FCHO2: variants seen among roughly 807,000 people sequenced by gnomAD.
The protein encoded by FCHO2 is FCH and mu domain containing endocytic adaptor 2, also known as F-BAR domain only protein 2.
FCHO2 carries 43 observed loss-of-function variants against 114.1 expected under a neutral mutation model. The ratio of observed to expected loss-of-function variants is 0.38; its 90% CI spans 0.30 to 0.49. The LOEUF is 0.49. Among genes scored for constraint, FCHO2 ranks in the 20% least tolerant of loss-of-function variants. FCHO2 has a pLI of 0.97. For synonymous variants in FCHO2, 293 were observed against 315.2 expected, an observed-to-expected ratio of 0.93 and a Z score of 0.75; for missense variants, 807 against 950.4, an observed-to-expected ratio of 0.85 and a Z score of 1.98.
chr5:72,966,404 C>T (rs2112596705), intron 1 of FCHO2, among the ~76,000 whole-genome samples: 1 of 152,236 alleles, frequency 6.6e-6, no homozygotes, highest in South Asian at 2.1e-4. Context: ...CCTTGCTCAG[C>T]CTCTGGAGTA....
At chr5:72,985,191 C>T (rs930603850) in intron 2 of FCHO2, among the ~76,000 whole-genome samples, 1 of 151,446 alleles carries the variant, frequency 6.6e-6, no homozygotes, top group Admixed American at 6.6e-5. Context: ...GACTGAGTCT[C>T]ACTCTGTCAC....
At chr5:73,022,679 A>G (rs185917502) in intron 8 of FCHO2, among the ~76,000 whole-genome samples, 1 of 152,330 alleles carries the variant, frequency 6.6e-6, no homozygotes, top group Non-Finnish European at 1.5e-5. Flanking sequence ...GCTTAGTTCA[A>G]TAGAGACTTT....
chr5:73,040,011 C>A (rs902197564), intron 10 of FCHO2, among the ~76,000 whole-genome samples: 1 of 150,606 alleles, frequency 6.6e-6, no homozygotes, highest in Admixed American at 6.6e-5. Flanking sequence ...TTTGGTACTT[C>A]GTTTTGGATT....
At chr5:73,020,512 T>C (rs1426871735) in intron 8 of FCHO2, among the ~76,000 whole-genome samples, 5 of 152,326 alleles carry the variant, frequency 3.3e-5, no homozygotes, top group Admixed American at 3.3e-4. Context: ...TACCATTCTG[T>C]AATGCCCTGT....
intron 11 of FCHO2, among the ~76,000 whole-genome samples, chr5:73,042,342 C>A (rs1395576382): frequency 1.3e-5 from 2 of 152,048 alleles, no homozygotes; most frequent in African/African-American, 4.8e-5. Flanking sequence ...CTTTAGTACT[C>A]ATTTTATTTC....
chr5:73,058,071 T>G (rs1233420349), intron 16 of FCHO2, among the ~76,000 whole-genome samples: 2 of 152,100 alleles, frequency 1.3e-5, no homozygotes, highest in Non-Finnish European at 2.9e-5. Context: ...AGTACAGTGG[T>G]GCAATCATAG....
intron 8 of FCHO2, 123 bp downstream of exon 8, chr5:73,017,431 A>G: frequency 1.9e-6 from 1 of 515,438 alleles, no homozygotes; most frequent in Non-Finnish European, 3.2e-6. Flanking sequence ...CTGAAGTTAA[A>G]AATATTTCCA....
At chr5:73,011,021 C>T (rs188972721) in intron 6 of FCHO2, among the ~76,000 whole-genome samples, 6 of 151,464 alleles carry the variant, frequency 4.0e-5, no homozygotes, top group African/African-American at 1.2e-4. Flanking sequence ...GTACTGAATA[C>T]TGTAGGCAGT....
At chr5:73,020,701 T>A in intron 8 of FCHO2, 7 of 1,214,306 alleles carry the variant, frequency 5.8e-6, no homozygotes, top group Non-Finnish European at 8.6e-6. Flanking sequence ...TGTCCTTTAG[T>A]GAAGAAATTG....
At chr5:73,017,126 T>A in intron 7 of FCHO2, 86 bp from the exon 8 acceptor site, 1 of 763,026 alleles carries the variant, frequency 1.3e-6, no homozygotes. Flanking sequence ...TTGATATAAT[T>A]AATTTTAATT....
intron 18 of FCHO2, among the ~76,000 whole-genome samples, chr5:73,064,688 A>G (rs947516390): frequency 6.6e-6 from 1 of 152,018 alleles, no homozygotes; most frequent in Non-Finnish European, 1.5e-5. Context: ...TACCAGACTA[A>G]CTGTCCATCT....
intron 8 of FCHO2, among the ~76,000 whole-genome samples, chr5:73,033,578 T>C (rs1335607285): frequency 2.0e-5 from 3 of 152,140 alleles, no homozygotes; most frequent in Admixed American, 2.0e-4. Flanking sequence ...TCATCTACTC[T>C]CTGTTTCAAG....
chr5:72,966,220 C>A (rs1170483577), intron 1 of FCHO2, among the ~76,000 whole-genome samples: 2 of 152,100 alleles, frequency 1.3e-5, no homozygotes, highest in Admixed American at 1.3e-4. Context: ...TCTACATAAA[C>A]TTTTTTTAAA....
intron 11 of FCHO2, among the ~76,000 whole-genome samples, chr5:73,041,650 T>G (rs985028723): frequency 2.0e-5 from 3 of 152,100 alleles, no homozygotes; most frequent in Non-Finnish European, 1.5e-5. Flanking sequence ...TACTAATTTA[T>G]TCTTAGCTCT....
intron 6 of FCHO2, among the ~76,000 whole-genome samples, chr5:73,012,931 T>C (rs1026935908): frequency 1.3e-5 from 2 of 152,198 alleles, no homozygotes; most frequent in Non-Finnish European, 2.9e-5. Flanking sequence ...AAGATCTGCC[T>C]TGTTGAGTGT....
chr5:72,964,630 C>T (rs112410178), intron 1 of FCHO2, among the ~76,000 whole-genome samples: 1 of 152,168 alleles, frequency 6.6e-6, no homozygotes, highest in Non-Finnish European at 1.5e-5. Flanking sequence ...TCAGGTGATC[C>T]ACCCACCTTG....
intron 6 of FCHO2, among the ~76,000 whole-genome samples, chr5:73,011,636 C>T (rs1413913938): frequency 6.6e-6 from 1 of 152,128 alleles, no homozygotes; most frequent in African/African-American, 2.4e-5. Context: ...TCTGGCTGGA[C>T]TTGGTGGCTC....
At chr5:73,037,865 T>A in intron 10 of FCHO2, 1 of 325,412 alleles carries the variant, frequency 3.1e-6, no homozygotes. Context: ...CAAGCGATTC[T>A]CCTCCTACCT....
chr5:73,020,824 C>T (rs373224147), intron 8 of FCHO2: 2 of 908,624 alleles, frequency 2.2e-6, no homozygotes, highest in Non-Finnish European at 1.9e-6. Flanking sequence ...GTCTGCGATG[C>T]TGCCGAGCTG....
Sources: gnomAD v4.1 joint callset for allele counts (sites outside exome capture counted in the v4.1 genomes callset) on GRCh38, gnomAD v4.1.1 for gene constraint, MANE v1.5 for transcripts, NCBI Gene and HGNC (gene_info 2026-07-23, HGNC 2026-07-21) for gene names.